Variants in ABCA13 observed in about 807,000 individuals in gnomAD.
ABCA13 encodes ATP-binding cassette sub-family A member 13.
In ABCA13, 476 loss-of-function variants were observed where a neutral mutation model predicts 478.7. The ratio of observed to expected loss-of-function variants is 0.99; its 90% confidence interval spans 0.92 to 1.07. The LOEUF (loss-of-function observed/expected upper bound fraction) is 1.07. Among genes scored for constraint, ABCA13 ranks in the 50% least tolerant of loss-of-function variants. The pLI is 0.00. For synonymous variants in ABCA13, 2,252 were observed against 2,158.9 expected, an observed-to-expected ratio of 1.04 and a Z score of -1.20; for missense variants, 6,060 against 5,910.6, an observed-to-expected ratio of 1.03 and a Z score of -0.83.
intron 45 of ABCA13, among the ~76,000 whole-genome samples, chr7:48,475,584 G>C (rs1006511894): frequency 2.0e-4 from 29 of 148,126 alleles, no homozygotes; most frequent in African/African-American, 6.7e-4. Context: ...TTCTGCCTCA[G>C]CCTCCTGAGT....
chr7:48,253,334 T>TA (rs1414182703), intron 15 of ABCA13, among the ~76,000 whole-genome samples: 1 of 152,170 alleles, frequency 6.6e-6, no homozygotes, highest in African/African-American at 2.4e-5. Context: ...GCAAGCCAAA[T>TA]ATTGCCAGCA....
At chr7:48,474,231 G>A (rs1408729925) in intron 45 of ABCA13, among the ~76,000 whole-genome samples, 4 of 152,058 alleles carry the variant, frequency 2.6e-5, no homozygotes, top group Non-Finnish European at 5.9e-5. Context: ...TCACATCACA[G>A]AGTAATTACC....
intron 21 of ABCA13, among the ~76,000 whole-genome samples, chr7:48,296,419 G>A (rs184287102): frequency 6.6e-6 from 1 of 151,622 alleles, no homozygotes; most frequent in Admixed American, 6.6e-5. Flanking sequence ...ATAAATAAAT[G>A]AATAAATTTC....
intron 3 of ABCA13, among the ~76,000 whole-genome samples, chr7:48,201,134 A>G (rs1798640840): frequency 6.6e-6 from 1 of 152,242 alleles, no homozygotes; most frequent in African/African-American, 2.4e-5. Context: ...AGGGATGAGG[A>G]AAAGGATTAA....
chr7:48,600,887 T>G (rs1275898208), intron 58 of ABCA13, among the ~76,000 whole-genome samples: 4 of 152,168 alleles, frequency 2.6e-5, no homozygotes, highest in African/African-American at 9.7e-5. Context: ...GTGAGAAAAT[T>G]TTGGCCATTA....
At chr7:48,544,977 G>A (rs1385922694) in intron 55 of ABCA13, among the ~76,000 whole-genome samples, 1 of 151,972 alleles carries the variant, frequency 6.6e-6, no homozygotes, top group East Asian at 1.9e-4. Context: ...TGTTGGTGGG[G>A]AGAAATCCCC....
chr7:48,471,532 A>G lies in ABCA13; in HGVS notation c.12908A>G (p.Lys4303Arg). The G allele has an allele frequency of 6.4e-7, 1 of 1,556,522 alleles. No individual in the cohort carries two copies. Residue 4303 changes from lysine (K) to arginine (R), a missense_variant and splice_region_variant, in exon 45 of 62, where the codon AAG becomes AGG. Physicochemically the swap from Lys to Arg is conservative, Grantham distance 26. This residue lies in a region of ABCA13 where 1,627 missense variants were observed against 1,571.0 expected (regional missense o/e 1.04). Transcript: ENST00000435803. ...LPCADLNPRQ[K>R]NSSCWRTDPF... is the part of the protein sequence containing the mutation. The stretch of plus-strand genomic sequence containing the variant: ...CAATTCTCTCCTTTGTTTTTTAGGA[A>G]GAATTCTTCATGCTGGCGCACAGAT...
chr7:48,644,812 G>A (rs905294702), intron 61 of ABCA13, 58 bp downstream of exon 61: 30 of 1,445,538 alleles, frequency 2.1e-5, no homozygotes, highest in South Asian at 6.4e-5. Flanking sequence ...CAGACCTAAT[G>A]TAGCCAATTT....
rs776621581 is a variant in ABCA13 at position 48,352,366 on chromosome 7, G to A, written c.10567G>A (p.Val3523Ile). Residue 3523 changes from valine to isoleucine, a missense_variant, in exon 31 of 62, where the codon GTC (valine) becomes ATC (isoleucine). Physicochemically the swap from Val to Ile is conservative, Grantham distance 29 (BLOSUM62 3). Coordinates refer to ENST00000435803, the MANE Select transcript of ABCA13 (RefSeq NM_152701.5). The stretch of plus-strand genomic sequence containing the variant: ...AGCTGATGGGTTCAAATATAACTAC[G>A]TCTTTGCCCCACTGCAAGACATGAT... ...LPADGFKYNY[V>I]FAPLQDMIER... 42 of 1,613,428 alleles carry A rather than the reference G, an allele frequency of 2.6e-5. No homozygotes were observed. Among genetic ancestry groups the A allele is most frequent in the Non-Finnish European group, 2.9e-5 (34 of 1,179,828 alleles).
chr7:48,511,373 G>A (rs143668240), intron 51 of ABCA13, among the ~76,000 whole-genome samples, 174 bp downstream of exon 51: 4 of 152,270 alleles, frequency 2.6e-5, no homozygotes, highest in Non-Finnish European at 4.4e-5. Flanking sequence ...TGAATGCCCC[G>A]TGGAGGAAGG....
chr7:48,499,815 C>A (rs1237479284), intron 48 of ABCA13, among the ~76,000 whole-genome samples: 2 of 152,134 alleles, frequency 1.3e-5, no homozygotes, highest in Non-Finnish European at 2.9e-5. Context: ...ACTTAGGAGC[C>A]TTGGACCTTT....
At chr7:48,507,481 G>A (rs1182356877) in intron 49 of ABCA13, among the ~76,000 whole-genome samples, 1 of 152,164 alleles carries the variant, frequency 6.6e-6, no homozygotes, top group Non-Finnish European at 1.5e-5. Flanking sequence ...TGTAGTGAAG[G>A]CTCCTCTCTG....
intron 42 of ABCA13, among the ~76,000 whole-genome samples, chr7:48,450,236 G>A (rs969962929): frequency 2.6e-5 from 4 of 152,148 alleles, no homozygotes; most frequent in Non-Finnish European, 2.9e-5. Flanking sequence ...TTCAGCACTA[G>A]AATTCTGTAA....
chr7:48,261,462 C>G (rs529812229), intron 15 of ABCA13, among the ~76,000 whole-genome samples: 14 of 151,596 alleles, frequency 9.2e-5, no homozygotes, highest in African/African-American at 2.9e-4. Context: ...AATTTCAAAC[C>G]CTGCCTTGTT....
chr7:48,313,360 C>A (rs1802058978), intron 25 of ABCA13, 129 bp downstream of exon 25: 4 of 910,720 alleles, frequency 4.4e-6, no homozygotes, highest in East Asian at 2.7e-5. Flanking sequence ...ATGAAAGTAC[C>A]TTTTCATATC....
chr7:48,368,071 A>C (rs1323253906), intron 32 of ABCA13, among the ~76,000 whole-genome samples, 163 bp downstream of exon 32: 1 of 152,076 alleles, frequency 6.6e-6, no homozygotes, highest in Non-Finnish European at 1.5e-5. Flanking sequence ...CAGAAAGAAG[A>C]TTTTATGTTG....
intron 55 of ABCA13, among the ~76,000 whole-genome samples, chr7:48,557,300 T>G (rs890731313): frequency 1.3e-5 from 2 of 152,124 alleles, no homozygotes; most frequent in Admixed American, 6.5e-5. Context: ...AGCTTTACAC[T>G]TTCAGATAAT....
At chr7:48,470,647 C>G (rs1049387354) in intron 44 of ABCA13, among the ~76,000 whole-genome samples, 4 of 152,168 alleles carry the variant, frequency 2.6e-5, no homozygotes, top group African/African-American at 9.7e-5. Flanking sequence ...CTTTGCTAAC[C>G]TGGTTAATAG....
intron 27 of ABCA13, among the ~76,000 whole-genome samples, chr7:48,320,146 G>A (rs1047332172): frequency 6.6e-6 from 1 of 152,158 alleles, no homozygotes; most frequent in Admixed American, 6.5e-5. Context: ...TTGAGCATTC[G>A]GTTATTCATG....
Sources: allele counts gnomAD v4.1 joint callset (sites outside exome capture counted in the v4.1 genomes callset), GRCh38; gene constraint gnomAD v4.1.1; regional missense constraint gnomAD v4.1.1; transcripts MANE v1.5; gene names NCBI Gene and HGNC (gene_info 2026-07-23, HGNC 2026-07-21).